RPRD1B: variants seen among roughly 807,000 people sequenced by gnomAD.
RPRD1B encodes the protein regulation of nuclear pre-mRNA domain-containing protein 1B.
In RPRD1B, 11 loss-of-function variants were observed where a neutral mutation model predicts 41.5. That is an observed-to-expected ratio of 0.27 (90% confidence interval 0.17 to 0.44). The LOEUF is 0.44. Ranked by LOEUF, RPRD1B falls within the 20% of genes least tolerant of loss-of-function variation. The pLI is 1.00. For missense variants in RPRD1B, 248 were observed against 389.9 expected, an observed-to-expected ratio of 0.64 and a Z score of 3.06; for synonymous variants, 158 against 155.6, an observed-to-expected ratio of 1.02 and a Z score of -0.12.
chr20:38,043,214 A>G (rs1568643940), intron 2 of RPRD1B, among the ~76,000 whole-genome samples: 1 of 152,220 alleles, frequency 6.6e-6, no homozygotes, highest in South Asian at 2.1e-4. Context: ...CTCTAAGGAA[A>G]TGACATTTGC....
chr20:38,040,487 A>G lies in RPRD1B; in HGVS notation c.204A>G (p.Gln68=), dbSNP rs778981025. 1.2e-6 allele frequency: 2 copies of G among 1,610,452 alleles called. No individual in the cohort carries two copies. The highest frequency in any genetic ancestry group is 1.7e-6 in the Non-Finnish European group (2 of 1,178,642). The change falls in exon 2 of 7, where the codon CAA becomes CAG. Residue 68 remains glutamine (Q), a synonymous_variant. Transcript: ENST00000373433. ...TGTATTTAGCGAATGATGTCATCCAAAACAGTAAAAGGAAAGGACCTGAAT... is the reference window on the plus strand; with the variant it reads ...TGTATTTAGCGAATGATGTCATCCAGAACAGTAAAAGGAAAGGACCTGAAT... The part of the protein sequence containing the change: ...TFLYLANDVI[Q]NSKRKGPEFT...
At chr20:38,082,578 G>A (rs1425477817) in intron 6 of RPRD1B, among the ~76,000 whole-genome samples, 1 of 152,028 alleles carries the variant, frequency 6.6e-6, no homozygotes, top group Admixed American at 6.6e-5. Context: ...TAATAGAGAC[G>A]GGGTTTCACT....
intron 6 of RPRD1B, among the ~76,000 whole-genome samples, chr20:38,082,481 G>T (rs2074522479): frequency 6.6e-6 from 1 of 152,160 alleles, no homozygotes; most frequent in Non-Finnish European, 1.5e-5. Flanking sequence ...CCGCCTCCCA[G>T]ATTCACACCA....
At chr20:38,084,111 G>T (rs2074539055) in intron 6 of RPRD1B, among the ~76,000 whole-genome samples, 2 of 151,358 alleles carry the variant, frequency 1.3e-5, no homozygotes, top group Non-Finnish European at 2.9e-5. Flanking sequence ...GTAGCAAGGG[G>T]TAGGCCTCCT....
Position 38,043,325 on chromosome 20 carries a change from A to G in RPRD1B, c.281+2761A>G, listed in dbSNP as rs140063547. On this transcript the variant is annotated intron_variant, in intron 2 of 6. Transcript: ENST00000373433. ...GAATGAAGGCTGGTGTGGTTAGAAT[A>G]TAGTGCACAAAGGGAAAAGTGATAT... is the stretch of plus-strand genomic sequence containing the variant. Among the ~76,000 whole-genome samples, 1,085 of 152,284 alleles carry G rather than the reference A, an allele frequency of 7.1e-3. 5 individuals are homozygous for G. The highest frequency in any genetic ancestry group is 0.021 in the African/African-American group (871 of 41,566).
In RPRD1B at chr20:38,036,019, C is replaced by T. The variant is rs374693099; in HGVS notation, c.151+1921C>T. On this transcript the variant is annotated intron_variant, in intron 1 of 6. Coordinates refer to ENST00000373433, the MANE Select transcript of RPRD1B (RefSeq NM_021215.4). ...GACCTTGTGATGCCCCCGCCTCGGCCTCCCAAAGTGCTGGTATTACAGGTG... is the reference window on the plus strand; with the variant it reads ...GACCTTGTGATGCCCCCGCCTCGGCTTCCCAAAGTGCTGGTATTACAGGTG... Among the ~76,000 whole-genome samples, 71 of 152,236 alleles carry T rather than the reference C, an allele frequency of 4.7e-4. 1 individual carries two copies. The highest frequency in any genetic ancestry group is 1.7e-3 in the African/African-American group (69 of 41,532).
chr20:38,071,646 A>G (rs573029026), intron 6 of RPRD1B, among the ~76,000 whole-genome samples: 6 of 152,334 alleles, frequency 3.9e-5, no homozygotes, highest in Non-Finnish European at 7.3e-5. Context: ...ATCATTTTAC[A>G]TCCCCACTAG....
At chr20:38,063,473 A>G (rs1045220853) in intron 5 of RPRD1B, among the ~76,000 whole-genome samples, 17 of 152,160 alleles carry the variant, frequency 1.1e-4, no homozygotes, top group Non-Finnish European at 1.6e-4. Flanking sequence ...TGAGCAGAGG[A>G]TTGGTGGGCA....
At chr20:38,040,771 T>C (rs1244280163) in intron 2 of RPRD1B, among the ~76,000 whole-genome samples, 1 of 152,230 alleles carries the variant, frequency 6.6e-6, no homozygotes, top group Non-Finnish European at 1.5e-5. Flanking sequence ...AGATTCAGCC[T>C]AGCATTATCT....
intron 6 of RPRD1B, among the ~76,000 whole-genome samples, chr20:38,073,179 CTTG>C (rs938200855): frequency 3.1e-4 from 47 of 152,148 alleles, no homozygotes; most frequent in African/African-American, 1.1e-3. Context: ...TCCCAAGAAT[CTTG>C]TTGTAGAGAA....
At chr20:38,038,726 G>C (rs2074032700) in intron 1 of RPRD1B, among the ~76,000 whole-genome samples, 1 of 152,140 alleles carries the variant, frequency 6.6e-6, no homozygotes, top group African/African-American at 2.4e-5. Context: ...TTGATCTCGT[G>C]ACCTCAGGTG....
intron 1 of RPRD1B, 100 bp from the exon 2 acceptor site, chr20:38,040,335 A>G (rs1600677379): frequency 3.2e-6 from 3 of 940,762 alleles, no homozygotes; most frequent in African/African-American, 1.7e-5. Context: ...GGTAGATAAT[A>G]CTTGTCTTAA....
chr20:38,043,510 A>G (rs1409822291), intron 2 of RPRD1B, among the ~76,000 whole-genome samples: 1 of 152,176 alleles, frequency 6.6e-6, no homozygotes, highest in Admixed American at 6.5e-5. Context: ...ATCCCTCTTT[A>G]AAAATGGCTT....
At chr20:38,088,325 G>A (rs146884760) in intron 6 of RPRD1B, among the ~76,000 whole-genome samples, 2 of 152,306 alleles carry the variant, frequency 1.3e-5, no homozygotes, top group African/African-American at 4.8e-5. Context: ...CAGGGATCTG[G>A]TATCAAGGAA....
intron 6 of RPRD1B, chr20:38,070,737 G>GTT: frequency 9.3e-6 from 8 of 863,512 alleles, no homozygotes; most frequent in Middle Eastern, 5.9e-4. Context: ...TCTTAACTGT[G>GTT]ATTTTTTTTT....
chr20:38,062,838 C>CT lies in RPRD1B; in HGVS notation c.656-3228dup, dbSNP rs1555801162. Among the ~76,000 whole-genome samples the CT allele has an allele frequency of 4.6e-3, 392 of 84,308 alleles. 8 individuals are homozygous for CT. Among genetic ancestry groups the CT allele is most frequent in the African/African-American group, 0.019 (323 of 17,246 alleles). The allele number at this position is 84,308 out of a possible 152,430, so 55.3% of individuals were successfully genotyped here. A position where few individuals can be genotyped will look rare whatever the true frequency, so the allele number is the denominator to read the frequency against. On this transcript the variant is annotated intron_variant, in intron 5 of 6. Transcript: ENST00000373433. ...AAATTAAAAGCCAGAGCCCCCCCCC[C>CT]TTTTTTTTTTTTTTTGAGATACAGT...
At chr20:38,081,926 T>G (rs1003212627) in intron 6 of RPRD1B, among the ~76,000 whole-genome samples, 22 of 152,338 alleles carry the variant, frequency 1.4e-4, no homozygotes, top group African/African-American at 5.1e-4. Context: ...TCATGGTGGA[T>G]TAGCTTTTTG....
chr20:38,038,717 T>C lies in RPRD1B; in HGVS notation c.152-1718T>C, dbSNP rs146225543. ...TTCACCATGTTAGCCAGGATGGCCT[T>C]GATCTCGTGACCTCAGGTGATCCAC... On this transcript the variant is annotated intron_variant, in intron 1 of 6. Coordinates refer to ENST00000373433, the MANE Select transcript of RPRD1B (RefSeq NM_021215.4). 7.1e-3 allele frequency among the ~76,000 whole-genome samples: 1,082 copies of C among 152,252 alleles called. 5 individuals are homozygous for C. Among genetic ancestry groups the C allele is most frequent in the African/African-American group, 0.021 (865 of 41,544 alleles).
chr20:38,084,187 G>A (rs1861789019), intron 6 of RPRD1B, among the ~76,000 whole-genome samples: 2 of 152,014 alleles, frequency 1.3e-5, no homozygotes, highest in Admixed American at 6.6e-5. Context: ...TTCCCCTTTG[G>A]GCTTGGCTTT....
Sources: allele counts gnomAD v4.1 joint callset (sites outside exome capture counted in the v4.1 genomes callset), GRCh38; gene constraint gnomAD v4.1.1; transcripts MANE v1.5; gene names NCBI Gene and HGNC (gene_info 2026-07-23, HGNC 2026-07-21).